Variants in TACR1 observed in about 807,000 individuals in gnomAD.
TACR1 encodes substance-P receptor.
Under a neutral mutation model 35.8 loss-of-function variants are expected in TACR1, and 25 were observed. That is an observed-to-expected ratio of 0.70 (90% CI 0.51 to 0.98). The LOEUF (loss-of-function observed/expected upper bound fraction) is 0.98, where lower values mean the gene tolerates loss of function less well. Ranked by LOEUF, TACR1 falls within the 50% of genes least tolerant of loss-of-function variation. The probability of loss-of-function intolerance (pLI) is 0.00; values close to 1 mark genes in which losing one functional copy is unlikely to be tolerated. For missense variants in TACR1, 478 were observed against 522.9 expected (o/e 0.91, Z 0.84); for synonymous variants, 195 against 206.7 (o/e 0.94, Z 0.48).
chr2:75,171,160 G>A (rs1016859767), intron 1 of TACR1, among the ~76,000 whole-genome samples: 3 of 152,198 alleles, frequency 2.0e-5, no homozygotes, highest in African/African-American at 7.2e-5. Context: ...GGCTGGGCCA[G>A]GGGCCTTGCT....
intron 1 of TACR1, among the ~76,000 whole-genome samples, chr2:75,160,571 A>G (rs1674982546): frequency 6.6e-6 from 1 of 151,958 alleles, no homozygotes; most frequent in African/African-American, 2.4e-5. Flanking sequence ...ATTCTGAAAG[A>G]GTTAAAAATG....
intron 1 of TACR1, among the ~76,000 whole-genome samples, chr2:75,175,215 G>T (rs1431203587): frequency 6.6e-6 from 1 of 152,188 alleles, no homozygotes; most frequent in African/African-American, 2.4e-5. Flanking sequence ...GCATTTTGTT[G>T]TGGGAACCAG....
At chr2:75,099,697 C>G (rs931892660) in intron 2 of TACR1, among the ~76,000 whole-genome samples, 5 of 152,160 alleles carry the variant, frequency 3.3e-5, no homozygotes, top group Non-Finnish European at 2.9e-5. Flanking sequence ...TTCTCAGACA[C>G]CACACCTCTA....
chr2:75,078,428 A>C (rs1673020003), intron 2 of TACR1, among the ~76,000 whole-genome samples: 1 of 152,208 alleles, frequency 6.6e-6, no homozygotes, highest in South Asian at 2.1e-4. Flanking sequence ...AGCCTAGCAC[A>C]GTACCTGCCT....
intron 2 of TACR1, among the ~76,000 whole-genome samples, chr2:75,086,119 T>G (rs893880857): frequency 2.0e-5 from 3 of 152,120 alleles, no homozygotes; most frequent in African/African-American, 7.2e-5. Flanking sequence ...GTTGTTTGGG[T>G]TGAGGAGAGA....
At chr2:75,098,395 T>C (rs1404247977) in intron 2 of TACR1, among the ~76,000 whole-genome samples, 1 of 152,194 alleles carries the variant, frequency 6.6e-6, no homozygotes, top group African/African-American at 2.4e-5. Flanking sequence ...CCAGACCATA[T>C]CATGGCACAT....
At chr2:75,072,111 A>T (rs1161381983) in intron 2 of TACR1, among the ~76,000 whole-genome samples, 3 of 152,156 alleles carry the variant, frequency 2.0e-5, no homozygotes, top group Non-Finnish European at 1.5e-5. Flanking sequence ...GGTGAAAGAC[A>T]AGGAGTCAAT....
At chr2:75,135,219 A>G (rs990456032) in intron 1 of TACR1, among the ~76,000 whole-genome samples, 1 of 152,118 alleles carries the variant, frequency 6.6e-6, no homozygotes, top group Admixed American at 6.5e-5. Context: ...GCTCTTACTT[A>G]TTGCTTTTTC....
rs556672538 is a variant in TACR1 at position 75,193,556 on chromosome 2, A to C, written c.389+4990T>G. Among the ~76,000 whole-genome samples the C allele has an allele frequency of 2.0e-5, 3 of 152,312 alleles. No homozygotes were observed. In the South Asian group the frequency reaches 6.2e-4, roughly 32 times the overall value. On this transcript the variant is annotated intron_variant, in intron 1 of 4. Transcript: ENST00000305249. ...CATTCCCTGATTCACCTGTGAATTC[A>C]CTTCGGTTGAATCAGTCTGTCATTG...
chr2:75,159,887 T>G (rs948778711), intron 1 of TACR1, among the ~76,000 whole-genome samples: 1 of 152,146 alleles, frequency 6.6e-6, no homozygotes, highest in Non-Finnish European at 1.5e-5. Context: ...ATTTACTACA[T>G]GTCAATAGAG....
intron 1 of TACR1, among the ~76,000 whole-genome samples, chr2:75,139,893 G>T (rs1033621937): frequency 6.6e-6 from 1 of 152,126 alleles, no homozygotes; most frequent in Admixed American, 6.5e-5. Context: ...CAACAGCCCT[G>T]GTCAGCCTCT....
intron 1 of TACR1, among the ~76,000 whole-genome samples, chr2:75,121,991 A>G (rs761694827): frequency 2.6e-5 from 4 of 152,214 alleles, no homozygotes; most frequent in Non-Finnish European, 5.9e-5. Flanking sequence ...GACCAGGGTT[A>G]CAAGTAAAGC....
intron 1 of TACR1, among the ~76,000 whole-genome samples, chr2:75,168,818 C>T (rs1393095324): frequency 6.6e-6 from 1 of 152,096 alleles, no homozygotes; most frequent in Non-Finnish European, 1.5e-5. Context: ...TGTTTAAGTA[C>T]AGCAGCCTAG....
chr2:75,163,106 G>A (rs1460201200), intron 1 of TACR1, among the ~76,000 whole-genome samples: 1 of 152,220 alleles, frequency 6.6e-6, no homozygotes, highest in East Asian at 1.9e-4. Flanking sequence ...CCCAGTCATG[G>A]CAAACTTGGA....
At chr2:75,145,526 G>C (rs1674488802) in intron 1 of TACR1, among the ~76,000 whole-genome samples, 1 of 152,080 alleles carries the variant, frequency 6.6e-6, no homozygotes, top group African/African-American at 2.4e-5. Context: ...GAATGCTGCT[G>C]GTTTCAAAAC....
intron 1 of TACR1, among the ~76,000 whole-genome samples, chr2:75,131,780 T>C (rs960588969): frequency 5.9e-5 from 9 of 152,220 alleles, no homozygotes; most frequent in African/African-American, 2.2e-4. Context: ...ATTTTAAAAG[T>C]GTTTGAGCCT....
chr2:75,196,682 G>A (rs1676002704), intron 1 of TACR1, among the ~76,000 whole-genome samples: 1 of 152,174 alleles, frequency 6.6e-6, no homozygotes, highest in South Asian at 2.1e-4. Context: ...CTAAGTTCCA[G>A]AGGAAAGATC....
chr2:75,169,903 T>G (rs1675234662), intron 1 of TACR1, among the ~76,000 whole-genome samples: 1 of 152,202 alleles, frequency 6.6e-6, no homozygotes, highest in Admixed American at 6.5e-5. Context: ...GAGCTTGAAT[T>G]TTTCTTCTAC....
At chr2:75,141,398 A>C (rs931446581) in intron 1 of TACR1, among the ~76,000 whole-genome samples, 1 of 152,186 alleles carries the variant, frequency 6.6e-6, no homozygotes, top group Non-Finnish European at 1.5e-5. Flanking sequence ...TTACAACTTT[A>C]TTTAACAGCA....
Sources: allele counts gnomAD v4.1 joint callset (sites outside exome capture counted in the v4.1 genomes callset), GRCh38; gene constraint gnomAD v4.1.1; transcripts MANE v1.5; gene names NCBI Gene and HGNC (gene_info 2026-07-23, HGNC 2026-07-21).